Variants in TYW1B observed in about 807,000 individuals in gnomAD.
TYW1B encodes the protein tRNA-yW synthesizing protein 1 homolog B.
TYW1B carries 73 observed loss-of-function variants against 86.9 expected under a neutral mutation model. The ratio of observed to expected loss-of-function variants is 0.84; its 90% confidence interval spans 0.70 to 1.02. The LOEUF is 1.02. Among genes scored for constraint, TYW1B ranks in the 50% least tolerant of loss-of-function variants. The pLI is 0.00. For missense variants in TYW1B, 637 were observed against 827.4 expected, an observed-to-expected ratio of 0.77 and a Z score of 2.82; for synonymous variants, 248 against 292.8, an observed-to-expected ratio of 0.85 and a Z score of 1.56.
chr7:72,661,290 C>T (rs4084084), intron 11 of TYW1B, among the ~76,000 whole-genome samples: 59,472 of 109,240 alleles, frequency 0.54, 13,018 homozygotes, highest in East Asian at 0.65. Flanking sequence ...AAATAGGATA[C>T]ATTAAATGGA....
intron 10 of TYW1B, among the ~76,000 whole-genome samples, chr7:72,695,931 G>A (rs535085296): frequency 2.6e-4 from 38 of 145,474 alleles, no homozygotes; most frequent in Admixed American, 5.1e-4. Context: ...ATTAAACCTA[G>A]ACTATACTTT....
At chr7:72,782,795 T>C (rs377510301) in intron 6 of TYW1B, among the ~76,000 whole-genome samples, 1 of 152,238 alleles carries the variant, frequency 6.6e-6, no homozygotes, top group East Asian at 1.9e-4. Context: ...AAGAATCACT[T>C]GAATCCAGGA....
intron 11 of TYW1B, among the ~76,000 whole-genome samples, chr7:72,666,161 C>T (rs1813456296): frequency 6.6e-6 from 1 of 152,112 alleles, no homozygotes; most frequent in African/African-American, 2.4e-5. Flanking sequence ...CGCCTATAAT[C>T]CCAGTACTTT....
intron 10 of TYW1B, among the ~76,000 whole-genome samples, chr7:72,699,365 G>A (rs1223710573): frequency 1.3e-5 from 2 of 152,150 alleles, no homozygotes; most frequent in Non-Finnish European, 1.5e-5. Flanking sequence ...GCCAGGGTTA[G>A]GTTTGGCTTA....
At chr7:72,793,242 C>A (rs1487698292) in intron 6 of TYW1B, among the ~76,000 whole-genome samples, 4 of 151,882 alleles carry the variant, frequency 2.6e-5, no homozygotes, top group African/African-American at 9.7e-5. Context: ...GAGGCTGAGG[C>A]AGGAGAATTG....
intron 5 of TYW1B, among the ~76,000 whole-genome samples, chr7:72,805,744 G>A (rs1345605411): frequency 6.6e-6 from 1 of 152,156 alleles, no homozygotes; most frequent in Non-Finnish European, 1.5e-5. Flanking sequence ...ATGGTTGCTG[G>A]AGGTGTGAAG....
intron 3 of TYW1B, among the ~76,000 whole-genome samples, chr7:72,813,442 T>C (rs1359262365): frequency 2.6e-5 from 4 of 152,164 alleles, no homozygotes; most frequent in African/African-American, 4.8e-5. Context: ...TCCCAAAGTG[T>C]TGGGATTACA....
At chr7:72,594,993 C>T (rs779372053) in intron 13 of TYW1B, among the ~76,000 whole-genome samples, 5 of 152,090 alleles carry the variant, frequency 3.3e-5, no homozygotes, top group Admixed American at 6.6e-5. Context: ...ACTATCTTAA[C>T]GTAATAAAAG....
chr7:72,728,880 A>C lies in TYW1B; in HGVS notation c.1134T>G (p.Pro378=), dbSNP rs782199791. 4 of 1,614,026 alleles carry C rather than the reference A, an allele frequency of 2.5e-6. 1 individual carries two copies. In the South Asian group the frequency reaches 4.4e-5, roughly 18 times the overall value. ...CAATGGCTTCCTTCAAGATCATTTC[A>C]GGCTGGTCCATCTTCCACAACCATT... The part of the protein sequence containing the change: ...GTEWLWKMDQ[P]EMILKEAIEN... The change falls in exon 9 of 14, where the codon CCT becomes CCG. Residue 378 remains proline (P), a synonymous_variant. Coordinates refer to ENST00000620995, the MANE Select transcript of TYW1B (RefSeq NM_001145440.3).
At position 72,728,883 on chromosome 7, in the gene TYW1B, C is replaced by T. The variant is rs782408632; in HGVS notation, c.1131G>A (p.Gln377=). The T allele has an allele frequency of 8.1e-6, 13 of 1,613,854 alleles. No individual in the cohort carries two copies. The highest frequency in any genetic ancestry group is 1.0e-5 in the Non-Finnish European group (12 of 1,179,946). Residue 377 remains glutamine (Q), a synonymous_variant, in exon 9 of 14, where the codon CAG becomes CAA. Coordinates refer to ENST00000620995, the MANE Select transcript of TYW1B (RefSeq NM_001145440.3). ...VGTEWLWKMD[Q]PEMILKEAIE... The stretch of plus-strand genomic sequence containing the variant: ...TGGCTTCCTTCAAGATCATTTCAGG[C>T]TGGTCCATCTTCCACAACCATTCAG...
At chr7:72,619,640 T>C (rs1585852979) in intron 12 of TYW1B, among the ~76,000 whole-genome samples, 1 of 120,390 alleles carries the variant, frequency 8.3e-6, no homozygotes, top group African/African-American at 3.2e-5. Flanking sequence ...AGAGCAAGAC[T>C]CCGTCTCAAA....
chr7:72,787,942 T>C (rs1365729794), intron 6 of TYW1B, among the ~76,000 whole-genome samples: 5 of 150,730 alleles, frequency 3.3e-5, no homozygotes, highest in Non-Finnish European at 7.4e-5. Context: ...ATAATCTCGC[T>C]GGACCAGACC....
At chr7:72,583,419 A>G (rs1811204322) in intron 13 of TYW1B, among the ~76,000 whole-genome samples, 1 of 152,170 alleles carries the variant, frequency 6.6e-6, no homozygotes, top group Non-Finnish European at 1.5e-5. Context: ...TAAGTATGCT[A>G]TTTAGAGATA....
chr7:72,671,157 A>G (rs1328059056), intron 11 of TYW1B, among the ~76,000 whole-genome samples: 2 of 152,194 alleles, frequency 1.3e-5, no homozygotes, highest in African/African-American at 4.8e-5. Context: ...TTTTCCCCAG[A>G]AAAATAACCT....
intron 6 of TYW1B, among the ~76,000 whole-genome samples, chr7:72,777,996 C>G (rs1585976844): frequency 6.6e-6 from 1 of 152,062 alleles, no homozygotes; most frequent in East Asian, 1.9e-4. Context: ...AAAACCCATC[C>G]TCTGCAAAGT....
At chr7:72,680,566 G>A (rs1813850491) in intron 11 of TYW1B, among the ~76,000 whole-genome samples, 1 of 152,138 alleles carries the variant, frequency 6.6e-6, no homozygotes, top group South Asian at 2.1e-4. Flanking sequence ...ACTTGGAACG[G>A]CTTCCTGGCA....
At chr7:72,827,409 T>TGG (rs200286535) in intron 1 of TYW1B, among the ~76,000 whole-genome samples, 5 of 150,660 alleles carry the variant, frequency 3.3e-5, no homozygotes, top group African/African-American at 9.8e-5. Flanking sequence ...CTCCATCTCG[T>TGG]GGGGGGGGCG....
At chr7:72,603,092 T>TG (rs562849384) in intron 13 of TYW1B, among the ~76,000 whole-genome samples, 10 of 147,000 alleles carry the variant, frequency 6.8e-5, no homozygotes, top group Non-Finnish European at 1.5e-4. Flanking sequence ...GACAGACAGA[T>TG]GATGGATGGA....
intron 13 of TYW1B, among the ~76,000 whole-genome samples, chr7:72,603,759 C>T (rs182465744): frequency 6.6e-6 from 1 of 152,238 alleles, no homozygotes; most frequent in East Asian, 1.9e-4. Flanking sequence ...AGTGATCTTC[C>T]TCCTAAAAAT....
Sources: allele counts gnomAD v4.1 joint callset (sites outside exome capture counted in the v4.1 genomes callset), GRCh38; gene constraint gnomAD v4.1.1; transcripts MANE v1.5; gene names NCBI Gene and HGNC (gene_info 2026-07-23, HGNC 2026-07-21).